The following ITSN1 variants were observed in gnomAD, a reference collection of about 807,000 sequenced individuals.
ITSN1 encodes the protein intersectin-1.
In ITSN1, 58 loss-of-function variants were observed where a neutral mutation model predicts 239.8. The ratio of observed to expected loss-of-function variants is 0.24; its 90% CI spans 0.20 to 0.30. The LOEUF is 0.30. Ranked by LOEUF, ITSN1 falls within the 10% of genes least tolerant of loss-of-function variation. ITSN1 has a pLI of 1.00. For missense variants in ITSN1, 1,558 were observed against 2,103.3 expected, an observed-to-expected ratio of 0.74 and a Z score of 5.07; for synonymous variants, 780 against 770.8, an observed-to-expected ratio of 1.01 and a Z score of -0.20.
chr21:33,678,749 T>C (rs1242512926), intron 1 of ITSN1, among the ~76,000 whole-genome samples: 1 of 152,186 alleles, frequency 6.6e-6, no homozygotes, highest in African/African-American at 2.4e-5. Flanking sequence ...AGTCTCGCTT[T>C]GTCATCCAGG....
chr21:33,860,332 A>G (rs1405665753), intron 31 of ITSN1, among the ~76,000 whole-genome samples: 1 of 151,410 alleles, frequency 6.6e-6, no homozygotes. Flanking sequence ...AAAAAAAAAA[A>G]GAAAAGAAAA....
intron 1 of ITSN1, among the ~76,000 whole-genome samples, chr21:33,689,614 T>A (rs1249255236): frequency 3.3e-5 from 5 of 152,154 alleles, no homozygotes; most frequent in Admixed American, 3.3e-4. Flanking sequence ...AGTTCGAGGC[T>A]ACAGTGAGCT....
chr21:33,689,727 G>A (rs1233006524), intron 1 of ITSN1, among the ~76,000 whole-genome samples: 3 of 152,094 alleles, frequency 2.0e-5, no homozygotes, highest in Non-Finnish European at 2.9e-5. Context: ...TAGCACTCGG[G>A]GAGGCTGAGG....
chr21:33,686,954 C>T (rs774456541), intron 1 of ITSN1, among the ~76,000 whole-genome samples: 12 of 152,100 alleles, frequency 7.9e-5, no homozygotes, highest in Non-Finnish European at 1.5e-4. Context: ...GTGGATATTT[C>T]AACACAATTT....
At chr21:33,854,516 T>C (rs150475552) in intron 29 of ITSN1, among the ~76,000 whole-genome samples, 2 of 152,276 alleles carry the variant, frequency 1.3e-5, no homozygotes, top group East Asian at 3.9e-4. Context: ...GAACAAGATA[T>C]GTTTCCCCCC....
In ITSN1 at chr21:33,813,184, T is replaced by C. The variant is rs541151468; in HGVS notation, c.2568-729T>C. ...TTTTCCTCTCCTCCTTGTTCTTTTATTTATTTTTCTTTTTGAGACAGAGTC... is the reference window on the plus strand; with the variant it reads ...TTTTCCTCTCCTCCTTGTTCTTTTACTTATTTTTCTTTTTGAGACAGAGTC... On this transcript the variant is annotated intron_variant, in intron 21 of 39. Coordinates refer to ENST00000381318, the MANE Select transcript of ITSN1 (RefSeq NM_003024.3). Among the ~76,000 whole-genome samples the C allele has an allele frequency of 4.6e-5, 7 of 151,688 alleles. No individual in the cohort carries two copies. The South Asian group carries it at 1.5e-3, about 32-fold the overall frequency.
At position 33,782,047 on chromosome 21, in the gene ITSN1, C is replaced by G. The variant is rs1372394557; in HGVS notation, c.1738C>G (p.Gln580Glu). Residue 580 changes from glutamine (Q) to glutamate (E), a missense_variant, in exon 16 of 40, where the codon CAG (glutamine) becomes GAG (glutamate). Gln to Glu is a conservative substitution (Grantham distance 29, BLOSUM62 2). This residue lies in a region of ITSN1 where 982 missense variants were observed against 1,209.9 expected (regional missense o/e 0.81). Transcript: ENST00000381318. ...CTTAGAAGCAAAAGAACTAGCTCGGCAGCACCTACGAGACCAACTGGATGA... is the reference window on the plus strand; with the variant it reads ...CTTAGAAGCAAAAGAACTAGCTCGGGAGCACCTACGAGACCAACTGGATGA... Reference protein sequence around the residue: ...RALEAKELARQHLRDQLDEVE... With the variant: ...RALEAKELAREHLRDQLDEVE... 7 of 1,613,636 alleles carry G rather than the reference C, an allele frequency of 4.3e-6. No individual in the cohort carries two copies. The South Asian group carries it at 5.5e-5, about 13-fold the overall frequency.
At chr21:33,722,718 T>C in intron 4 of ITSN1, 67 bp downstream of exon 4, 1 of 1,418,048 alleles carries the variant, frequency 7.1e-7, no homozygotes, top group Non-Finnish European at 9.5e-7. Context: ...TTTTGTTCTA[T>C]TTGGTAATAT....
At chr21:33,665,690 A>G (rs1233969866) in intron 1 of ITSN1, among the ~76,000 whole-genome samples, 1 of 152,220 alleles carries the variant, frequency 6.6e-6, no homozygotes, top group African/African-American at 2.4e-5. Context: ...TATTCATAGC[A>G]GCATTATTTA....
intron 16 of ITSN1, among the ~76,000 whole-genome samples, chr21:33,791,150 T>C (rs1020414573): frequency 3.3e-5 from 5 of 152,240 alleles, no homozygotes; most frequent in African/African-American, 1.2e-4. Flanking sequence ...CTTATGTTGA[T>C]TCATGCCATA....
chr21:33,661,246 A>G (rs1351228593), intron 1 of ITSN1, among the ~76,000 whole-genome samples: 1 of 151,860 alleles, frequency 6.6e-6, no homozygotes, highest in Non-Finnish European at 1.5e-5. Context: ...TCCTGTAAAA[A>G]AAAAATGGCT....
rs1489993661 is a variant in ITSN1 at position 33,761,926 on chromosome 21, C to G, written c.728C>G (p.Pro243Arg). The G allele has an allele frequency of 6.2e-7, 1 of 1,612,862 alleles. No homozygotes were observed. Among genetic ancestry groups the G allele is most frequent in the African/African-American group, 1.3e-5 (1 of 74,838 alleles). Reference sequence around the variant, plus strand: ...CCTTTTCCTGGTTCCTGTTTAGGTCCCCAAGCAAGAACTATTCTTATGCAG... The same window carrying G: ...CCTTTTCCTGGTTCCTGTTTAGGTCGCCAAGCAAGAACTATTCTTATGCAG... ...DKTMSGHLTGPQARTILMQSS... is the reference protein window; with the variant it reads ...DKTMSGHLTGRQARTILMQSS... Residue 243 changes from proline to arginine, a missense_variant, in exon 9 of 40, where the codon CCC (proline) becomes CGC (arginine). Around this residue, in one of 2 missense-constraint regions of ITSN1, gnomAD observed 982 missense variants for 1,209.9 expected, o/e 0.81. Coordinates refer to ENST00000381318, the MANE Select transcript of ITSN1 (RefSeq NM_003024.3).
chr21:33,758,459 A>G (rs968146842), intron 8 of ITSN1, among the ~76,000 whole-genome samples: 2 of 152,204 alleles, frequency 1.3e-5, no homozygotes, highest in African/African-American at 2.4e-5. Context: ...GGGTTGATTT[A>G]GCCGATACAT....
At chr21:33,730,426 G>A in intron 4 of ITSN1, among the ~76,000 whole-genome samples, 1 of 103,050 alleles carries the variant, frequency 9.7e-6, no homozygotes, top group Non-Finnish European at 1.8e-5. Context: ...TCTGGAGACA[G>A]AGTCTTGCTC....
At chr21:33,761,862 C>T in intron 8 of ITSN1, 61 bp from the exon 9 acceptor site, 1 of 1,208,168 alleles carries the variant, frequency 8.3e-7, no homozygotes, top group Non-Finnish European at 1.2e-6. Context: ...GAACCCTGGT[C>T]CTCCTGTACA....
At chr21:33,813,728 TC>T (rs946330161) in intron 21 of ITSN1, among the ~76,000 whole-genome samples, 184 bp from the exon 22 acceptor site, 1 of 151,820 alleles carries the variant, frequency 6.6e-6, no homozygotes, top group African/African-American at 2.4e-5. Flanking sequence ...TTGGTTGCCA[TC>T]TTTTTCTTTT....
intron 28 of ITSN1, among the ~76,000 whole-genome samples, chr21:33,834,665 G>A (rs2074497729): frequency 6.6e-6 from 1 of 152,188 alleles, no homozygotes; most frequent in Non-Finnish European, 1.5e-5. Context: ...TCTTCTTGCA[G>A]GAGTCATGAA....
chr21:33,835,956 A>G (rs1232169048), intron 28 of ITSN1, among the ~76,000 whole-genome samples: 1 of 152,108 alleles, frequency 6.6e-6, no homozygotes, highest in Admixed American at 6.5e-5. Context: ...AAATAAATAA[A>G]TCACTGGTTT....
chr21:33,789,751 T>C (rs1247512502), intron 16 of ITSN1, among the ~76,000 whole-genome samples: 3 of 152,226 alleles, frequency 2.0e-5, no homozygotes, highest in Admixed American at 6.5e-5. Flanking sequence ...GTCACAGTTA[T>C]TAAATCAAGT....
Sources: gnomAD v4.1 joint callset for allele counts (sites outside exome capture counted in the v4.1 genomes callset) on GRCh38, gnomAD v4.1.1 for gene constraint, gnomAD v4.1.1 regional missense constraint, MANE v1.5 for transcripts, NCBI Gene and HGNC (gene_info 2026-07-23, HGNC 2026-07-21) for gene names.